RNF130: variants seen among roughly 807,000 people sequenced by gnomAD.
RNF130 encodes E3 ubiquitin-protein ligase RNF130.
A neutral mutation model predicts 44.6 loss-of-function variants in RNF130; 21 were observed. The observed-to-expected ratio is 0.47, with a 90% CI of 0.33 to 0.68. The LOEUF (loss-of-function observed/expected upper bound fraction) is 0.68. Ranked by LOEUF, RNF130 falls within the 30% of genes least tolerant of loss-of-function variation. The pLI is 0.02. For synonymous variants in RNF130, 214 were observed against 210.4 expected (o/e 1.02, Z -0.15); for missense variants, 479 against 560.6 (o/e 0.85, Z 1.47).
chr5:180,030,505 C>T (rs183489968), intron 2 of RNF130, among the ~76,000 whole-genome samples: 4 of 152,234 alleles, frequency 2.6e-5, no homozygotes, highest in East Asian at 3.9e-4. Flanking sequence ...TCACTCACGC[C>T]GTTTTTAAAA....
chr5:179,998,886 T>TATATATATATATATATATATA (rs1389273465), intron 3 of RNF130, among the ~76,000 whole-genome samples: 60 of 105,606 alleles, frequency 5.7e-4, no homozygotes, highest in Admixed American at 1.1e-3. Context: ...TATATATATG[T>TATATATATATATATATATATA]TTTATATATC....
intron 7 of RNF130, among the ~76,000 whole-genome samples, chr5:179,923,270 G>C (rs1350784092): frequency 6.6e-6 from 1 of 151,604 alleles, no homozygotes; most frequent in East Asian, 1.9e-4. Flanking sequence ...ATATCCAATT[G>C]TTCCGTCGTC....
At chr5:180,049,820 T>TC (rs1331579247) in intron 1 of RNF130, among the ~76,000 whole-genome samples, 2 of 152,212 alleles carry the variant, frequency 1.3e-5, no homozygotes, top group East Asian at 1.9e-4. Context: ...ATACTTTTTT[T>TC]CCCTCTCCTT....
chr5:179,922,281 C>T (rs2113670476), intron 7 of RNF130, among the ~76,000 whole-genome samples: 1 of 152,114 alleles, frequency 6.6e-6, no homozygotes, highest in East Asian at 1.9e-4. Flanking sequence ...ATCTTTAGTC[C>T]ATTAAAAAAA....
At chr5:179,953,841 A>T (rs1352819481), downstream of RNF130, among the ~76,000 whole-genome samples, 1 of 152,212 alleles carries the variant, frequency 6.6e-6, no homozygotes, top group Non-Finnish European at 1.5e-5. Flanking sequence ...AATGTGAGAA[A>T]ATATTTGCAA....
intron 7 of RNF130, chr5:179,933,852 C>T: frequency 1.3e-6 from 1 of 787,230 alleles, no homozygotes; most frequent in African/African-American, 1.7e-5. Flanking sequence ...TTTTGTCTTG[C>T]TTCTTCATGG....
At chr5:180,031,592 T>A (rs1464969982) in intron 2 of RNF130, among the ~76,000 whole-genome samples, 2 of 152,232 alleles carry the variant, frequency 1.3e-5, no homozygotes, top group Admixed American at 6.5e-5. Context: ...AAGGGCCAAC[T>A]GTAATTGCTA....
chr5:179,998,501 T>C (rs1763251958), intron 3 of RNF130, among the ~76,000 whole-genome samples: 1 of 152,182 alleles, frequency 6.6e-6, no homozygotes, highest in Non-Finnish European at 1.5e-5. Flanking sequence ...TCTCACTATA[T>C]TGCCCAGGCT....
intron 1 of RNF130, among the ~76,000 whole-genome samples, chr5:180,044,732 T>TGAGGCAGGA (rs566090607): frequency 2.0e-4 from 30 of 152,030 alleles, no homozygotes; most frequent in East Asian, 1.4e-3. Context: ...CTCAGAAGGC[T>TGAGGCAGGA]GAGGCAGGAG....
At chr5:179,986,145 C>A (rs1343829779) in intron 3 of RNF130, among the ~76,000 whole-genome samples, 2 of 152,184 alleles carry the variant, frequency 1.3e-5, no homozygotes, top group African/African-American at 4.8e-5. Flanking sequence ...AGAAATCCTG[C>A]ACCCACATAA....
chr5:179,925,165 C>T (rs890911391), intron 7 of RNF130, among the ~76,000 whole-genome samples: 1 of 152,128 alleles, frequency 6.6e-6, no homozygotes, highest in East Asian at 1.9e-4. Flanking sequence ...CAGGTAGCTC[C>T]GGGATGGGGC....
At chr5:179,944,407 A>G (rs2113684560) in intron 7 of RNF130, among the ~76,000 whole-genome samples, 1 of 152,332 alleles carries the variant, frequency 6.6e-6, no homozygotes, top group African/African-American at 2.4e-5. Flanking sequence ...AATTATGTAC[A>G]GATCTATATT....
At chr5:180,062,295 C>A (rs1327482886) in intron 1 of RNF130, among the ~76,000 whole-genome samples, 1 of 151,874 alleles carries the variant, frequency 6.6e-6, no homozygotes, top group African/African-American at 2.4e-5. Context: ...CTCCTGACCT[C>A]GTGATCCACC....
intron 1 of RNF130, among the ~76,000 whole-genome samples, chr5:180,067,296 C>A (rs2113193919): frequency 6.6e-6 from 1 of 152,218 alleles, no homozygotes; most frequent in South Asian, 2.1e-4. Flanking sequence ...AGCTATATAG[C>A]CCATCATTGT....
rs565401059 is a variant in RNF130, at chr5:180,045,065, G to A, written c.248-4418C>T. Among the ~76,000 whole-genome samples the A allele has an allele frequency of 2.0e-5, 3 of 152,260 alleles. No individual in the cohort carries two copies. In the South Asian group the frequency reaches 6.2e-4, roughly 32 times the overall value. On this transcript the variant is annotated intron_variant, in intron 1 of 8. Transcript: ENST00000521389. ...TGCCAGCATAAAAACACAGAGCAAAGACTAAACTCTTCTCTTGAACTCTTG... is the reference window on the plus strand; with the variant it reads ...TGCCAGCATAAAAACACAGAGCAAAAACTAAACTCTTCTCTTGAACTCTTG...
At chr5:180,054,213 A>G (rs547389657) in intron 1 of RNF130, among the ~76,000 whole-genome samples, 90 of 152,330 alleles carry the variant, frequency 5.9e-4, no homozygotes, top group African/African-American at 2.1e-3. Context: ...GGTTTCTTCA[A>G]TTAATCACTC....
intron 2 of RNF130, among the ~76,000 whole-genome samples, chr5:180,023,883 G>C (rs1763929870): frequency 6.6e-6 from 1 of 152,220 alleles, no homozygotes; most frequent in South Asian, 2.1e-4. Context: ...AGGGGGAAAA[G>C]AGTTAACTTC....
At chr5:180,037,811 T>A (rs1478804790) in intron 2 of RNF130, among the ~76,000 whole-genome samples, 1 of 152,212 alleles carries the variant, frequency 6.6e-6, no homozygotes, top group Non-Finnish European at 1.5e-5. Context: ...CCCAATTTAC[T>A]TTCCCACATT....
chr5:180,070,199 G>A (rs538710197), intron 1 of RNF130, among the ~76,000 whole-genome samples: 67 of 152,328 alleles, frequency 4.4e-4, no homozygotes, highest in African/African-American at 1.5e-3. Context: ...CACAGAGCAG[G>A]AACGCAAATA....
Sources: allele counts gnomAD v4.1 joint callset (sites outside exome capture counted in the v4.1 genomes callset), GRCh38; gene constraint gnomAD v4.1.1; transcripts MANE v1.5; gene names NCBI Gene and HGNC (gene_info 2026-07-23, HGNC 2026-07-21).